Variants in RPLP2 observed in about 807,000 individuals in gnomAD.
The protein encoded by RPLP2 is ribosomal protein lateral stalk subunit P2.
In RPLP2, 1 loss-of-function variant was observed where a neutral mutation model predicts 11.5. The ratio of observed to expected loss-of-function variants is 0.09; its 90% CI spans 0.03 to 0.41. The LOEUF (loss-of-function observed/expected upper bound fraction) is 0.41. Ranked by LOEUF, RPLP2 falls within the 10% of genes least tolerant of loss-of-function variation. RPLP2 has a pLI of 0.98. For synonymous variants in RPLP2, 82 were observed against 55.9 expected (o/e 1.47, Z -2.08); for missense variants, 177 against 145.6 (o/e 1.22, Z -1.11).
At chr11:812,475 C>G in intron 3 of RPLP2, 60 bp from the exon 4 acceptor site, 1 of 1,595,128 alleles carries the variant, frequency 6.3e-7, no homozygotes, top group East Asian at 2.2e-5. Flanking sequence ...TCTAACTTCC[C>G]TGTGGAACAG....
chr11:810,617 A>C (rs1027255566), intron 2 of RPLP2: 12 of 333,510 alleles, frequency 3.6e-5, no homozygotes, highest in African/African-American at 2.6e-4. Flanking sequence ...AACATGTCGA[A>C]ACCCCATCCC....
intron 3 of RPLP2, 140 bp from the exon 4 acceptor site, chr11:812,395 G>A: frequency 2.7e-6 from 3 of 1,114,240 alleles, no homozygotes; most frequent in Non-Finnish European, 3.8e-6. Flanking sequence ...GGAGTGTTCA[G>A]GAAGAACGGG....
intron 2 of RPLP2, among the ~76,000 whole-genome samples, chr11:811,157 G>A (rs1021485406): frequency 6.6e-6 from 1 of 152,068 alleles, no homozygotes; most frequent in African/African-American, 2.4e-5. Context: ...AACAGAACCA[G>A]GCCTCGTCTC....
rs1028320391 is a variant in RPLP2 at position 812,562 on chromosome 11, C to T, written c.200C>T (p.Ala67Val). The stretch of plus-strand genomic sequence containing the variant: ...ATTGGCAAGCTTGCCAGTGTACCTG[C>T]TGGTGGGGCTGTAGCCGTCTCTGCT... The part of the protein sequence containing the change: ...QGIGKLASVP[A>V]GGAVAVSAAP... The change falls in exon 4 of 5, where the codon GCT becomes GTT. Residue 67 changes from alanine to valine, a missense_variant. Ala to Val is a moderately conservative substitution (Grantham distance 64). Transcript: ENST00000321153. 9.3e-6 allele frequency: 15 copies of T among 1,609,494 alleles called. No homozygotes were observed. Among genetic ancestry groups the T allele is most frequent in the East Asian group, 2.2e-5 (1 of 44,898 alleles).
intron 1 of RPLP2, 22 bp downstream of exon 1, chr11:810,061 G>A (rs1865974418): frequency 1.3e-6 from 1 of 773,020 alleles, no homozygotes. Context: ...GACCGGGCCC[G>A]GGGTGCCGGC....
intron 3 of RPLP2, 90 bp from the exon 4 acceptor site, chr11:812,445 A>G (rs2133837811): frequency 6.4e-7 from 1 of 1,551,834 alleles, no homozygotes; most frequent in Admixed American, 1.7e-5. Flanking sequence ...GTTGGGTGCC[A>G]TGTGCCATCT....
At chr11:812,359 T>A (rs1866089869) in intron 3 of RPLP2, 176 bp from the exon 4 acceptor site, 3 of 760,954 alleles carry the variant, frequency 3.9e-6, no homozygotes, top group Middle Eastern at 3.8e-4. Context: ...GGAAGAGAAG[T>A]CCCCGTTGAG....
At chr11:811,523 G>A (rs908620431) in intron 2 of RPLP2, 74 bp from the exon 3 acceptor site, 1 of 1,590,052 alleles carries the variant, frequency 6.3e-7, no homozygotes, top group Non-Finnish European at 8.6e-7. Context: ...CAGTCCTGCT[G>A]TGACTCTGGG....
chr11:810,188 G>A (rs1365854815), intron 1 of RPLP2, 46 bp from the exon 2 acceptor site: 4 of 1,449,776 alleles, frequency 2.8e-6, no homozygotes, highest in Non-Finnish European at 3.7e-6. Context: ...GCCGGCAGGA[G>A]GCCGCCGGGG....
intron 3 of RPLP2, 59 bp from the exon 4 acceptor site, chr11:812,476 T>TG: frequency 6.3e-7 from 1 of 1,595,622 alleles, no homozygotes; most frequent in Non-Finnish European, 8.5e-7. Context: ...CTAACTTCCC[T>TG]GTGGAACAGC....
Position 810,220 on chromosome 11 carries a change from T to C in RPLP2, c.-1-14T>C. 6.5e-7 allele frequency: 1 copy of C among 1,527,998 alleles called. No homozygotes were observed. The highest frequency in any genetic ancestry group is 8.8e-7 in the Non-Finnish European group (1 of 1,136,658). 94.7% of individuals were successfully genotyped at this position (1,527,998 alleles called of 1,614,324 possible). A position where few individuals can be genotyped will look rare whatever the true frequency, so the allele number is the denominator to read the frequency against. ...GGGGTAACTCCGCCGTCGCGTCCTC[T>C]CCGCCCGCCTCAGGATGCGCTACGT... is the stretch of plus-strand genomic sequence containing the variant. On this transcript the variant is annotated splice_polypyrimidine_tract_variant and intron_variant, in intron 1 of 4. Coordinates refer to ENST00000321153, the MANE Select transcript of RPLP2 (RefSeq NM_001004.4).
At position 812,542 on chromosome 11, in the gene RPLP2, C is replaced by T; in HGVS notation, c.180C>T (p.Gly60=). The part of the protein sequence containing the change: ...NIEDVIAQGI[G]KLASVPAGGA... ...CCTCTCTGCTTTCTGTAGGTATTGG[C>T]AAGCTTGCCAGTGTACCTGCTGGTG... Residue 60 remains glycine (G), a synonymous_variant, in exon 4 of 5, where the codon GGC becomes GGT. Transcript: ENST00000321153. 6.2e-7 allele frequency: 1 copy of T among 1,609,362 alleles called. No individual in the cohort carries two copies. Among genetic ancestry groups the T allele is most frequent in the Non-Finnish European group, 8.5e-7 (1 of 1,179,854 alleles).
At position 812,746 on chromosome 11, in the gene RPLP2, CCT is replaced by C. The variant is rs779526333; in HGVS notation, c.272-11_272-10del. On this transcript the variant is annotated splice_polypyrimidine_tract_variant and intron_variant, in intron 4 of 4. Transcript: ENST00000321153. ...CTTGGGCAGTGCTCACCATGCCTCT[CCT>C]CTGTTCCACAGCAGAGGAGAAGAAA... 2.5e-6 allele frequency: 4 copies of C among 1,612,800 alleles called. No homozygotes were observed. Among genetic ancestry groups the C allele is most frequent in the African/African-American group, 2.7e-5 (2 of 74,900 alleles).
At position 811,629 on chromosome 11, in the gene RPLP2, A is replaced by T. The variant is rs1866064903; in HGVS notation, c.156A>T (p.Glu52Asp). The change falls in exon 3 of 5, where the codon GAA becomes GAT. Residue 52 changes from glutamate (E) to aspartate (D), a missense_variant. Coordinates refer to ENST00000321153, the MANE Select transcript of RPLP2 (RefSeq NM_001004.4). ...GTGAGCTGAATGGAAAAAACATTGA[A>T]GACGTCATTGCCCAGGGTGAGTTGA... ...VISELNGKNIEDVIAQGIGKL... is the reference protein window; with the variant it reads ...VISELNGKNIDDVIAQGIGKL... 6.2e-7 allele frequency: 1 copy of T among 1,614,108 alleles called. No individual in the cohort carries two copies. The highest frequency in any genetic ancestry group is 8.5e-7 in the Non-Finnish European group (1 of 1,180,040).
chr11:810,680 C>G (rs1157618755), intron 2 of RPLP2, among the ~76,000 whole-genome samples: 1 of 151,786 alleles, frequency 6.6e-6, no homozygotes, highest in East Asian at 1.9e-4. Context: ...TGTAGTCCCC[C>G]TACTTGGGAG....
chr11:811,351 T>A (rs1291212278), intron 2 of RPLP2: 1 of 568,804 alleles, frequency 1.8e-6, no homozygotes, highest in Non-Finnish European at 3.1e-6. Flanking sequence ...TACCTATGAG[T>A]AGTCAACATA....
chr11:811,237 C>T, intron 2 of RPLP2: 1 of 326,462 alleles, frequency 3.1e-6, no homozygotes, highest in Non-Finnish European at 5.9e-6. Context: ...GTGGGATAGT[C>T]ACTTGAGCCC....
chr11:809,970 T>C lies in RPLP2; in HGVS notation c.-71T>C. 1 of 370,914 alleles carries C rather than the reference T, an allele frequency of 2.7e-6. No individual in the cohort carries two copies. The highest frequency in any genetic ancestry group is 6.3e-5 in the South Asian group (1 of 15,758). The allele number at this position is 370,914 out of a possible 1,614,324, so 23.0% of individuals were successfully genotyped here. ...CCGCCTCTTGCGTCGGCGCCTTCCT[T>C]TTCCTCCCTGTCGCCACCGAGGTCG... On this transcript the variant is annotated 5_prime_UTR_variant, in exon 1 of 5. Transcript: ENST00000321153.
chr11:811,648 G>C lies in RPLP2; in HGVS notation c.172+3G>C, dbSNP rs113423052. 1 of 1,614,238 alleles carries C rather than the reference G, an allele frequency of 6.2e-7. No homozygotes were observed. Among genetic ancestry groups the C allele is most frequent in the Non-Finnish European group, 8.5e-7 (1 of 1,180,034 alleles). ...CATTGAAGACGTCATTGCCCAGGGTGAGTTGATGTGGACGGGCTTTCGTTT... is the reference window on the plus strand; with the variant it reads ...CATTGAAGACGTCATTGCCCAGGGTCAGTTGATGTGGACGGGCTTTCGTTT... On this transcript the variant is annotated splice_donor_region_variant and intron_variant, in intron 3 of 4. Transcript: ENST00000321153.
Sources: allele counts gnomAD v4.1 joint callset (sites outside exome capture counted in the v4.1 genomes callset), GRCh38; gene constraint gnomAD v4.1.1; transcripts MANE v1.5; gene names NCBI Gene and HGNC (gene_info 2026-07-23, HGNC 2026-07-21).